Variants in DST observed in about 807,000 individuals in gnomAD.
DST encodes bullous pemphigoid antigen.
In DST, 253 loss-of-function variants were observed where a neutral mutation model predicts 875.2. The observed-to-expected ratio is 0.29, with a 90% CI of 0.26 to 0.32. The LOEUF is 0.32. DST is among the 10% of genes least tolerant of loss of function. DST has a pLI of 1.00. For synonymous variants in DST, 3,124 were observed against 3,197.1 expected (o/e 0.98, Z 0.77); for missense variants, 8,287 against 9,111.6 (o/e 0.91, Z 3.68).
At chr6:56,505,281 T>A (rs539563004) in intron 77 of DST, among the ~76,000 whole-genome samples, 3 of 152,154 alleles carry the variant, frequency 2.0e-5, no homozygotes, top group Non-Finnish European at 4.4e-5. Context: ...ACTTTTCTGG[T>A]AGTGATAAAG....
At chr6:56,813,881 C>T (rs936761899) in intron 4 of DST, among the ~76,000 whole-genome samples, 5 of 151,980 alleles carry the variant, frequency 3.3e-5, no homozygotes, top group African/African-American at 9.7e-5. Flanking sequence ...AGATTACATG[C>T]CCCAAGAGAT....
intron 4 of DST, among the ~76,000 whole-genome samples, chr6:56,842,313 G>A (rs2099801094): frequency 1.3e-5 from 2 of 151,996 alleles, no homozygotes; most frequent in South Asian, 4.1e-4. Context: ...TAAAAAGATG[G>A]TATACACACA....
chr6:56,530,011 T>G lies in DST; in HGVS notation c.17231A>C (p.Gln5744Pro), dbSNP rs779509854. The G allele has an allele frequency of 6.2e-7, 1 of 1,613,624 alleles. No individual in the cohort carries two copies. The change falls in exon 65 of 104, where the codon CAA (glutamine) becomes CCA (proline). Residue 5744 changes from glutamine to proline, a missense_variant. Coordinates refer to ENST00000680361, the MANE Select transcript of DST (RefSeq NM_001374736.1). ...AATTTGTTCCTCAAGTTTAGATGCTTGGGTTCCTATGGGTTCACAATTCAC... is the reference window on the plus strand; with the variant it reads ...AATTTGTTCCTCAAGTTTAGATGCTGGGGTTCCTATGGGTTCACAATTCAC... ...RLVNCEPIGT[Q>P]ASKLEEQIAQ...
At chr6:56,792,911 T>C (rs1261951466) in intron 4 of DST, among the ~76,000 whole-genome samples, 3 of 151,384 alleles carry the variant, frequency 2.0e-5, no homozygotes, top group African/African-American at 7.3e-5. Flanking sequence ...CTACAAAAAA[T>C]ACAAAAATGT....
intron 90 of DST, among the ~76,000 whole-genome samples, chr6:56,479,305 C>T (rs13204556): frequency 3.3e-5 from 5 of 152,002 alleles, no homozygotes; most frequent in East Asian, 1.9e-4. Context: ...GAGAAAAGGG[C>T]GTGCTTATAC....
intron 70 of DST, 87 bp from the exon 71 acceptor site, chr6:56,517,392 T>C: frequency 6.3e-7 from 1 of 1,584,208 alleles, no homozygotes; most frequent in Non-Finnish European, 8.6e-7. Context: ...GTTAAAAATA[T>C]CACGTTACAC....
chr6:56,538,361 G>T (rs1423443906), intron 61 of DST, among the ~76,000 whole-genome samples: 1 of 149,696 alleles, frequency 6.7e-6, no homozygotes, highest in Non-Finnish European at 1.5e-5. Flanking sequence ...AGGAAGGAAA[G>T]TTTTACATCG....
chr6:56,725,713 G>A (rs1261514657), intron 5 of DST, among the ~76,000 whole-genome samples: 1 of 152,128 alleles, frequency 6.6e-6, no homozygotes, highest in Non-Finnish European at 1.5e-5. Context: ...AAGATCTAGA[G>A]GGCTAGCCTG....
intron 84 of DST, 130 bp from the exon 85 acceptor site, chr6:56,492,563 C>T (rs1562339491): frequency 3.1e-6 from 3 of 968,958 alleles, no homozygotes; most frequent in East Asian, 2.5e-5. Context: ...CAAATGCATG[C>T]TTTTGACTTT....
chr6:56,858,293 C>T (rs1056462270), intron 3 of DST, among the ~76,000 whole-genome samples: 13 of 152,112 alleles, frequency 8.5e-5, no homozygotes, highest in African/African-American at 3.1e-4. Flanking sequence ...TCAAAGGTTT[C>T]TTTCTAGGTA....
intron 13 of DST, 30 bp downstream of exon 13, chr6:56,648,540 A>C (rs1298576944): frequency 6.5e-7 from 1 of 1,538,512 alleles, no homozygotes; most frequent in Admixed American, 2.0e-5. Context: ...AATTGAATCA[A>C]TCCTATGTAA....
chr6:56,642,829 G>T (rs762927747), intron 15 of DST: 1 of 1,612,264 alleles, frequency 6.2e-7, no homozygotes, highest in Non-Finnish European at 8.5e-7. Context: ...ACCTTTCAAA[G>T]TAGACTAAAA....
At chr6:56,485,690 C>T (rs1299247859) in intron 87 of DST, among the ~76,000 whole-genome samples, 1 of 152,134 alleles carries the variant, frequency 6.6e-6, no homozygotes, top group African/African-American at 2.4e-5. Flanking sequence ...CAGGAAAATT[C>T]CCACCTTTGG....
intron 5 of DST, among the ~76,000 whole-genome samples, chr6:56,731,550 T>C (rs892880385): frequency 1.3e-5 from 2 of 152,260 alleles, no homozygotes; most frequent in Non-Finnish European, 2.9e-5. Context: ...TGCTATCATC[T>C]GCAAATAGAG....
At chr6:56,573,089 T>A in intron 51 of DST, 25 bp from the exon 52 acceptor site, 1 of 1,476,964 alleles carries the variant, frequency 6.8e-7, no homozygotes, top group Non-Finnish European at 9.0e-7. Flanking sequence ...ATATTGCATA[T>A]CTTTTATTAT....
At chr6:56,824,897 G>A (rs2099778143) in intron 4 of DST, among the ~76,000 whole-genome samples, 1 of 150,992 alleles carries the variant, frequency 6.6e-6, no homozygotes. Flanking sequence ...CCCCCGCCCG[G>A]CCAGCCGCCC....
chr6:56,491,671 G>GAA (rs2095749125), intron 85 of DST, among the ~76,000 whole-genome samples: 1 of 152,132 alleles, frequency 6.6e-6, no homozygotes, highest in Non-Finnish European at 1.5e-5. Context: ...TCTATTATCT[G>GAA]CTCAAAATAT....
chr6:56,614,224 A>G, intron 37 of DST, 132 bp downstream of exon 37: 1 of 736,304 alleles, frequency 1.4e-6, no homozygotes, highest in Non-Finnish European at 2.0e-6. Flanking sequence ...AATCTTTCTG[A>G]TTTGCATTAT....
chr6:56,944,146 T>C (rs936556217), intron 2 of DST, among the ~76,000 whole-genome samples: 5 of 152,058 alleles, frequency 3.3e-5, no homozygotes, highest in African/African-American at 1.2e-4. Context: ...AGATACAATA[T>C]GAAAAGTATC....
Sources: allele counts gnomAD v4.1 joint callset (sites outside exome capture counted in the v4.1 genomes callset), GRCh38; gene constraint gnomAD v4.1.1; transcripts MANE v1.5; gene names NCBI Gene and HGNC (gene_info 2026-07-23, HGNC 2026-07-21).